The following ERBB4 variants were observed in gnomAD, a reference collection of about 807,000 sequenced individuals.
ERBB4 encodes receptor tyrosine-protein kinase erbB-4.
In ERBB4, 42 loss-of-function variants were observed where a neutral mutation model predicts 158.0. The observed-to-expected ratio is 0.27, with a 90% CI of 0.21 to 0.34. The LOEUF is 0.34. ERBB4 is among the 10% of genes least tolerant of loss of function. ERBB4 has a pLI of 1.00. For missense variants in ERBB4, 1,333 were observed against 1,624.1 expected (o/e 0.82, Z 3.08); for synonymous variants, 583 against 558.7 (o/e 1.04, Z -0.61).
At chr2:212,055,015 G>A (rs148231924) in intron 2 of ERBB4, among the ~76,000 whole-genome samples, 114 of 152,256 alleles carry the variant, frequency 7.5e-4, no homozygotes, top group African/African-American at 2.1e-3. Context: ...CTCCTCACCC[G>A]GGAAGCATAA....
intron 14 of ERBB4, among the ~76,000 whole-genome samples, chr2:211,671,716 T>C (rs1227222422): frequency 1.3e-5 from 2 of 152,202 alleles, no homozygotes; most frequent in East Asian, 3.8e-4. Flanking sequence ...AGAGATTTTT[T>C]CATTCCATGA....
At chr2:211,778,303 G>C (rs2075940417) in intron 4 of ERBB4, 1 of 152,114 alleles carries the variant, frequency 6.6e-6, no homozygotes, top group Non-Finnish European at 1.5e-5. Context: ...TAACCACAAA[G>C]ATATCGGAAC....
intron 20 of ERBB4, among the ~76,000 whole-genome samples, chr2:211,518,515 G>A (rs1437617262): frequency 6.6e-6 from 1 of 151,992 alleles, no homozygotes; most frequent in Non-Finnish European, 1.5e-5. Flanking sequence ...TTAGCCAGGG[G>A]TGGTGGTGCA....
chr2:211,561,441 C>A (rs572328769), intron 20 of ERBB4, among the ~76,000 whole-genome samples: 1 of 152,230 alleles, frequency 6.6e-6, no homozygotes, highest in African/African-American at 2.4e-5. Context: ...CATTAAAAAC[C>A]AATTGAAGAT....
At chr2:211,599,511 T>TTATGTGTGTGTGTGTGTGTGTGTG (rs201810389) in intron 19 of ERBB4, among the ~76,000 whole-genome samples, 1 of 20,748 alleles carries the variant, frequency 4.8e-5, no homozygotes, top group Admixed American at 1.0e-3. Flanking sequence ...AAATAATTTC[T>TTATGTGTGTGTGTGTGTGTGTGTG]TCTGTGTGTG....
chr2:211,657,044 T>C (rs1244462264), intron 16 of ERBB4, among the ~76,000 whole-genome samples: 5 of 152,188 alleles, frequency 3.3e-5, no homozygotes, highest in African/African-American at 4.8e-5. Flanking sequence ...CTAGAGAATA[T>C]GCCAACCACT....
At chr2:211,427,001 A>C (rs1387014245) in intron 22 of ERBB4, among the ~76,000 whole-genome samples, 1 of 152,044 alleles carries the variant, frequency 6.6e-6, no homozygotes, top group African/African-American at 2.4e-5. Flanking sequence ...CATTTCCACT[A>C]CATTTGTCTA....
chr2:212,447,083 G>A (rs1054726858), intron 1 of ERBB4, among the ~76,000 whole-genome samples: 10 of 150,320 alleles, frequency 6.7e-5, no homozygotes, highest in African/African-American at 1.2e-4. Flanking sequence ...TGCAAGCTCC[G>A]CCTCCTAGGT....
At chr2:212,036,697 C>G (rs113391141) in intron 2 of ERBB4, among the ~76,000 whole-genome samples, 12,241 of 152,180 alleles carry the variant, frequency 0.08, 694 homozygotes, top group Non-Finnish European at 0.12. Flanking sequence ...ATCTCCTGAC[C>G]TCGTGATCCT....
chr2:212,325,222 C>G (rs1027819604), intron 1 of ERBB4, among the ~76,000 whole-genome samples: 1 of 150,566 alleles, frequency 6.6e-6, no homozygotes, highest in Non-Finnish European at 1.5e-5. Context: ...ACTGTAGTGA[C>G]TCTTAGGAGA....
intron 1 of ERBB4, 102 bp downstream of exon 1, chr2:212,538,347 C>T: frequency 9.7e-7 from 1 of 1,026,618 alleles, no homozygotes; most frequent in Non-Finnish European, 1.5e-6. Context: ...TCAAGCGGTC[C>T]CTCCACGCCT....
intron 20 of ERBB4, among the ~76,000 whole-genome samples, chr2:211,548,189 G>T (rs539059401): frequency 6.6e-6 from 1 of 151,812 alleles, no homozygotes; most frequent in African/African-American, 2.4e-5. Flanking sequence ...AAAATTTGGC[G>T]CATAAATAAA....
intron 12 of ERBB4, among the ~76,000 whole-genome samples, chr2:211,680,627 C>T (rs572309526): frequency 2.0e-5 from 3 of 152,216 alleles, no homozygotes; most frequent in Admixed American, 1.3e-4. Flanking sequence ...CAGAGCAAAT[C>T]GCCCACACCT....
In ERBB4 at chr2:211,665,574, G is replaced by T. The variant is rs570631602; in HGVS notation, c.1717-97C>A. ...TTTAGTTACTGAGACTTCAGTAGGT[G>T]GCAAATCTTCCTCTAAGAGAATTGG... On this transcript the variant is annotated intron_variant, in intron 14 of 27. Transcript: ENST00000342788. 229 of 1,141,378 alleles carry T rather than the reference G, an allele frequency of 2.0e-4. 3 individuals carry two copies. The South Asian group carries it at 2.9e-3, about 15-fold the overall frequency. 70.7% of individuals were successfully genotyped at this position (1,141,378 alleles called of 1,614,324 possible).
intron 19 of ERBB4, among the ~76,000 whole-genome samples, chr2:211,601,252 A>G (rs2068791531): frequency 1.3e-5 from 2 of 152,086 alleles, no homozygotes; most frequent in Non-Finnish European, 2.9e-5. Context: ...AGAAAAAGAA[A>G]AAACATACAC....
At chr2:212,173,477 G>A (rs780409005) in intron 1 of ERBB4, among the ~76,000 whole-genome samples, 7 of 152,114 alleles carry the variant, frequency 4.6e-5, no homozygotes, top group Non-Finnish European at 1.0e-4. Flanking sequence ...TGGAAAGGTG[G>A]TGGGAAATTG....
chr2:211,539,260 T>C (rs561400675), intron 20 of ERBB4, among the ~76,000 whole-genome samples: 2 of 152,070 alleles, frequency 1.3e-5, no homozygotes, highest in African/African-American at 2.4e-5. Context: ...ATCAAAGCTA[T>C]TTGGTAGTAT....
intron 1 of ERBB4, among the ~76,000 whole-genome samples, chr2:212,442,448 A>C (rs2092275070): frequency 6.6e-6 from 1 of 152,012 alleles, no homozygotes; most frequent in Non-Finnish European, 1.5e-5. Context: ...TACCAGGGTA[A>C]CTGTGCACAG....
chr2:212,029,100 T>A (rs75553395), intron 2 of ERBB4, among the ~76,000 whole-genome samples: 1 of 152,000 alleles, frequency 6.6e-6, no homozygotes, highest in Non-Finnish European at 1.5e-5. Flanking sequence ...AAGTTACTAC[T>A]CCTTCCTTAG....
Sources: gnomAD v4.1 joint callset for allele counts (sites outside exome capture counted in the v4.1 genomes callset) on GRCh38, gnomAD v4.1.1 for gene constraint, MANE v1.5 for transcripts, NCBI Gene and HGNC (gene_info 2026-07-23, HGNC 2026-07-21) for gene names.